TRHDE: variants seen among roughly 807,000 people sequenced by gnomAD.
The protein encoded by TRHDE is thyrotropin releasing hormone degrading enzyme.
TRHDE carries 72 observed loss-of-function variants against 125.7 expected under a neutral mutation model. That is an observed-to-expected ratio of 0.57 (90% CI 0.47 to 0.70). TRHDE has a LOEUF of 0.70. TRHDE is among the 30% of genes least tolerant of loss of function. The probability of loss-of-function intolerance (pLI) is 0.00; values close to 1 mark genes in which losing one functional copy is unlikely to be tolerated. For missense variants in TRHDE, 1,110 were observed against 1,327.1 expected (o/e 0.84, Z 2.54); for synonymous variants, 509 against 509.1 (o/e 1.00, Z 0.00).
At chr12:72,373,605 G>A (rs1023126213) in intron 2 of TRHDE, among the ~76,000 whole-genome samples, 2 of 152,170 alleles carry the variant, frequency 1.3e-5, no homozygotes, top group African/African-American at 4.8e-5. Flanking sequence ...AAGTGTTTCA[G>A]GAAACAATAA....
intron 3 of TRHDE, among the ~76,000 whole-genome samples, chr12:72,448,916 G>T (rs1318134372): frequency 6.6e-6 from 1 of 151,840 alleles, no homozygotes; most frequent in African/African-American, 2.4e-5. Flanking sequence ...TTGCCTTTGG[G>T]CTTAAAGTGT....
intron 2 of TRHDE, among the ~76,000 whole-genome samples, chr12:72,133,602 T>C (rs186727685): frequency 3.3e-5 from 5 of 152,306 alleles, no homozygotes; most frequent in Admixed American, 2.6e-4. Flanking sequence ...AAAATTACAT[T>C]AACATCACAG....
chr12:72,451,767 T>C (rs987964523), intron 3 of TRHDE, among the ~76,000 whole-genome samples: 13 of 152,180 alleles, frequency 8.5e-5, no homozygotes, highest in African/African-American at 2.7e-4. Flanking sequence ...TTTCAATACA[T>C]GAATACTGAT....
chr12:72,336,287 A>G (rs1869827131), intron 2 of TRHDE, among the ~76,000 whole-genome samples: 1 of 152,178 alleles, frequency 6.6e-6, no homozygotes, highest in Non-Finnish European at 1.5e-5. Context: ...TAGACCCACA[A>G]AAGGAAATCA....
At chr12:72,312,909 G>A (rs1413329612) in intron 2 of TRHDE, among the ~76,000 whole-genome samples, 1 of 151,988 alleles carries the variant, frequency 6.6e-6, no homozygotes, top group Non-Finnish European at 1.5e-5. Flanking sequence ...TCTAGTTTTT[G>A]AGGGTCTTGA....
intron 3 of TRHDE, among the ~76,000 whole-genome samples, chr12:72,381,159 A>C (rs1872157953): frequency 6.6e-6 from 1 of 152,128 alleles, no homozygotes; most frequent in Non-Finnish European, 1.5e-5. Flanking sequence ...TGATACTGCT[A>C]ACCATCCTAC....
upstream of TRHDE, among the ~76,000 whole-genome samples, chr12:72,268,510 G>T (rs1879120094): frequency 6.6e-6 from 1 of 151,984 alleles, no homozygotes; most frequent in South Asian, 2.1e-4. Context: ...TTAAGTACTG[G>T]GTTAGGACAA....
chr12:72,291,587 G>T (rs879687564), intron 2 of TRHDE, among the ~76,000 whole-genome samples: 9 of 152,182 alleles, frequency 5.9e-5, no homozygotes, highest in Non-Finnish European at 1.0e-4. Context: ...CAGCCAGTGT[G>T]GATTAAAACC....
In TRHDE at chr12:72,333,847, A is replaced by G. The variant is rs1869711613; in HGVS notation, c.1189-44148A>G. On this transcript the variant is annotated intron_variant, in intron 2 of 18. Coordinates refer to ENST00000261180, the MANE Select transcript of TRHDE (RefSeq NM_013381.3). ...CTTCCTGTTGGAAATCCTATTATTC[A>G]AGAAACATAGTTTTTTAAAAAAGCA... 2.6e-5 allele frequency among the ~76,000 whole-genome samples: 4 copies of G among 152,246 alleles called. No homozygotes were observed. In the South Asian group the frequency reaches 8.3e-4, roughly 32 times the overall value.
chr12:72,608,960 T>C (rs1254349514), intron 12 of TRHDE, among the ~76,000 whole-genome samples: 1 of 152,116 alleles, frequency 6.6e-6, no homozygotes, highest in Non-Finnish European at 1.5e-5. Context: ...TTTTGATCTG[T>C]AGAATGGGGA....
At chr12:72,103,839 T>C (rs751242473) in intron 1 of TRHDE, among the ~76,000 whole-genome samples, 3 of 152,102 alleles carry the variant, frequency 2.0e-5, no homozygotes, top group Non-Finnish European at 4.4e-5. Context: ...AAATTGTCCA[T>C]TATTAAGATG....
At chr12:72,184,165 T>C (rs982875123) in intron 2 of TRHDE, among the ~76,000 whole-genome samples, 2 of 152,212 alleles carry the variant, frequency 1.3e-5, no homozygotes, top group Admixed American at 6.5e-5. Context: ...TCATGAAATA[T>C]AGAACACCAA....
chr12:72,253,541 ATT>A (rs1878736634), intron 2 of TRHDE: 1 of 152,112 alleles, frequency 6.6e-6, no homozygotes, highest in South Asian at 2.1e-4. Flanking sequence ...TTTTACAGCA[ATT>A]TTAGTCTCAC....
intron 3 of TRHDE, among the ~76,000 whole-genome samples, chr12:72,407,456 G>A (rs144392642): frequency 1.3e-5 from 2 of 152,302 alleles, no homozygotes; most frequent in Admixed American, 6.5e-5. Context: ...ACAGGAGAAC[G>A]CTAGTGTGGA....
intron 4 of TRHDE, among the ~76,000 whole-genome samples, chr12:72,471,859 C>A (rs948219485): frequency 6.6e-6 from 1 of 151,332 alleles, no homozygotes; most frequent in Non-Finnish European, 1.5e-5. Context: ...TGATCTGGTA[C>A]TTGTCTGCCT....
At chr12:72,530,439 T>TTTTTA (rs398044497) in intron 6 of TRHDE, among the ~76,000 whole-genome samples, 4 of 146,666 alleles carry the variant, frequency 2.7e-5, no homozygotes, top group Non-Finnish European at 6.0e-5. Flanking sequence ...TTTTTTTTTT[T>TTTTTA]AACTTTAACC....
intron 2 of TRHDE, among the ~76,000 whole-genome samples, chr12:72,225,986 C>T (rs1878120877): frequency 6.6e-6 from 1 of 152,180 alleles, no homozygotes; most frequent in Non-Finnish European, 1.5e-5. Flanking sequence ...TGATATTTGT[C>T]TAGGTGTCAG....
intron 12 of TRHDE, among the ~76,000 whole-genome samples, chr12:72,583,473 A>C (rs1031521314): frequency 2.6e-5 from 4 of 152,118 alleles, no homozygotes; most frequent in Admixed American, 2.0e-4. Flanking sequence ...TGAGACATGC[A>C]AAAAAAGTCA....
At chr12:72,348,788 A>G (rs1370624202) in intron 2 of TRHDE, among the ~76,000 whole-genome samples, 7 of 152,100 alleles carry the variant, frequency 4.6e-5, no homozygotes, top group Non-Finnish European at 7.4e-5. Flanking sequence ...TGATGGATAT[A>G]GATGGCCATG....
Sources: allele counts gnomAD v4.1 joint callset (sites outside exome capture counted in the v4.1 genomes callset), GRCh38; gene constraint gnomAD v4.1.1; transcripts MANE v1.5; gene names NCBI Gene and HGNC (gene_info 2026-07-23, HGNC 2026-07-21).